NTN4: variants seen among roughly 807,000 people sequenced by gnomAD.
NTN4 encodes netrin 4, also known as netrin-4.
Under a neutral mutation model 73.6 loss-of-function variants are expected in NTN4, and 32 were observed. The ratio of observed to expected loss-of-function variants is 0.44; its 90% confidence interval spans 0.33 to 0.58. The LOEUF is 0.58. Among genes scored for constraint, NTN4 ranks in the 20% least tolerant of loss-of-function variants. The pLI, the probability that NTN4 is intolerant of heterozygous loss-of-function variation, is 0.04. For synonymous variants in NTN4, 258 were observed against 287.5 expected, an observed-to-expected ratio of 0.90 and a Z score of 1.04; for missense variants, 654 against 798.3, an observed-to-expected ratio of 0.82 and a Z score of 2.18.
chr12:95,677,922 A>G (rs546555034), intron 7 of NTN4, among the ~76,000 whole-genome samples: 1 of 152,336 alleles, frequency 6.6e-6, no homozygotes, highest in African/African-American at 2.4e-5. Flanking sequence ...AATAGCAAAG[A>G]CTTGGAGCCA....
chr12:95,683,204 T>C (rs4762234), intron 6 of NTN4, among the ~76,000 whole-genome samples: 104,297 of 152,014 alleles, frequency 0.69, 35,870 homozygotes, highest in African/African-American at 0.75. Context: ...GGATTACTGG[T>C]GCCTACCACT....
intron 2 of NTN4, among the ~76,000 whole-genome samples, chr12:95,744,667 ATTATCT>A (rs1283646561): frequency 6.6e-6 from 1 of 152,136 alleles, no homozygotes; most frequent in African/African-American, 2.4e-5. Flanking sequence ...AAGCCAACTA[ATTATCT>A]TTAAAGAGAT....
chr12:95,693,995 G>A (rs1267064143), intron 5 of NTN4, among the ~76,000 whole-genome samples: 1 of 152,070 alleles, frequency 6.6e-6, no homozygotes, highest in Non-Finnish European at 1.5e-5. Flanking sequence ...AGTCAAAGGA[G>A]GTAATTGCTG....
chr12:95,760,437 T>C (rs1325010198), intron 2 of NTN4, among the ~76,000 whole-genome samples: 2 of 152,194 alleles, frequency 1.3e-5, no homozygotes. Flanking sequence ...TTCTCTTATG[T>C]AGCTTTCTCC....
chr12:95,720,702 A>G (rs775471589), intron 3 of NTN4, among the ~76,000 whole-genome samples: 2 of 152,148 alleles, frequency 1.3e-5, no homozygotes, highest in Non-Finnish European at 2.9e-5. Context: ...ATTGCTTCCT[A>G]TAAGGGGTAT....
intron 5 of NTN4, among the ~76,000 whole-genome samples, chr12:95,707,817 CTGT>C (rs2078531937): frequency 6.6e-6 from 1 of 152,152 alleles, no homozygotes; most frequent in African/African-American, 2.4e-5. Flanking sequence ...TGCTATATAA[CTGT>C]ATCTTTTTGA....
Position 95,682,765 on chromosome 12 carries a change from CTTA to C in NTN4, c.1449_1451del (p.Asn483del), listed in dbSNP as rs1359563233. 3 of 1,613,830 alleles carry C rather than the reference CTTA, an allele frequency of 1.9e-6. No individual in the cohort carries two copies. Among genetic ancestry groups the C allele is most frequent in the Non-Finnish European group, 2.5e-6 (3 of 1,179,930 alleles). On this transcript the variant is annotated inframe_deletion, in exon 7 of 10. Transcript: ENST00000343702. ...CCTCCCACTCCCAGGCTGGTTCGCT[CTTA>C]TTGTGCACGGGACGGAAGTCAGGAA...
chr12:95,683,662 C>T lies in NTN4; in HGVS notation c.1230G>A (p.Val410=), dbSNP rs779635025. The T allele has an allele frequency of 5.6e-6, 9 of 1,613,660 alleles. No homozygotes were observed. The African/African-American group carries it at 1.2e-4, about 22-fold the overall frequency. The change falls in exon 6 of 10, where the codon GTG becomes GTA. Residue 410 remains valine (V), a synonymous_variant. Transcript: ENST00000343702. Reference sequence around the variant, plus strand: ...CACCATTGCTGGGGTCGCAGAAGGTCACTGAGTTGGCAGGAAGGACAGCTG... The same window carrying T: ...CACCATTGCTGGGGTCGCAGAAGGTTACTGAGTTGGCAGGAAGGACAGCTG... ...VGSAVLPANS[V]TFCDPSNGDC... is the part of the protein sequence containing the mutation.
chr12:95,788,994 T>A (rs192692454), intron 1 of NTN4, among the ~76,000 whole-genome samples: 3 of 152,352 alleles, frequency 2.0e-5, no homozygotes, highest in East Asian at 1.9e-4. Context: ...AGGTTTTTTT[T>A]AAAGCTCATA....
chr12:95,673,689 T>C (rs975178894), intron 7 of NTN4: 47 of 152,488 alleles, frequency 3.1e-4, no homozygotes, highest in African/African-American at 1.1e-3. Flanking sequence ...TCGGATCTCT[T>C]GTGGCAGTTG....
At chr12:95,735,932 TATTTA>T (rs1306559250) in intron 3 of NTN4, among the ~76,000 whole-genome samples, 2 of 149,672 alleles carry the variant, frequency 1.3e-5, no homozygotes, top group Non-Finnish European at 3.0e-5. Context: ...TTTATTTATT[TATTTA>T]TTTATTTATT....
intron 3 of NTN4, among the ~76,000 whole-genome samples, chr12:95,729,632 A>AGAGAGTGTGTGT (rs1555218229): frequency 3.5e-4 from 44 of 124,168 alleles, no homozygotes; most frequent in African/African-American, 1.2e-3. Context: ...AGAGAGAGAG[A>AGAGAGTGTGTGT]GTGTGTGTGT....
chr12:95,735,073 G>T (rs2078765279), intron 3 of NTN4, among the ~76,000 whole-genome samples: 2 of 151,650 alleles, frequency 1.3e-5, no homozygotes, highest in African/African-American at 4.8e-5. Flanking sequence ...CACATTCAAA[G>T]GAGGCAACCA....
At chr12:95,720,916 C>T (rs1454343267) in intron 3 of NTN4, among the ~76,000 whole-genome samples, 1 of 152,208 alleles carries the variant, frequency 6.6e-6, no homozygotes, top group Admixed American at 6.5e-5. Flanking sequence ...TAAATATTAA[C>T]TCAATTCCTT....
chr12:95,789,460 G>A lies in NTN4; in HGVS notation c.55+795C>T, dbSNP rs1009077608. Among the ~76,000 whole-genome samples, 12 of 152,246 alleles carry A rather than the reference G, an allele frequency of 7.9e-5. No homozygotes were observed. The highest frequency in any genetic ancestry group is 1.9e-4 in the East Asian group (1 of 5,200). On this transcript the variant is annotated intron_variant, in intron 1 of 9. Coordinates refer to ENST00000343702, the MANE Select transcript of NTN4 (RefSeq NM_021229.4). This position sits in a 1 kb window ranked among gnomAD's most constrained non-coding sequence, Gnocchi z 4.0. The stretch of plus-strand genomic sequence containing the variant: ...GAAACCAGGTGACCCGCAAGAGGGA[G>A]GGAGAGGAGCAGAAGGGGCTCCCGA...
At chr12:95,749,762 C>T (rs1288506063) in intron 2 of NTN4, among the ~76,000 whole-genome samples, 1 of 147,978 alleles carries the variant, frequency 6.8e-6, no homozygotes, top group African/African-American at 2.5e-5. Flanking sequence ...GCAAGTACCC[C>T]AACCCCTTCT....
At chr12:95,761,553 G>C (rs190601592) in intron 2 of NTN4, among the ~76,000 whole-genome samples, 2 of 151,944 alleles carry the variant, frequency 1.3e-5, no homozygotes, top group Non-Finnish European at 2.9e-5. Context: ...GGCTGGTCTC[G>C]AACTCCTGAC....
intron 5 of NTN4, 75 bp from the exon 6 acceptor site, chr12:95,683,786 C>A: frequency 8.5e-7 from 1 of 1,177,870 alleles, no homozygotes; most frequent in Non-Finnish European, 1.2e-6. Flanking sequence ...TTGACCATCC[C>A]CAAGTGGCTT....
chr12:95,673,143 C>T (rs1424791777), intron 7 of NTN4: 1 of 745,572 alleles, frequency 1.3e-6, no homozygotes, highest in Non-Finnish European at 2.2e-6. Flanking sequence ...CCCTCCTGCA[C>T]ACGCCACACT....
Sources: gnomAD v4.1 joint callset for allele counts (sites outside exome capture counted in the v4.1 genomes callset) on GRCh38, gnomAD v4.1.1 for gene constraint, Gnocchi (gnomAD v3.1) non-coding constraint, MANE v1.5 for transcripts, NCBI Gene and HGNC (gene_info 2026-07-23, HGNC 2026-07-21) for gene names.